CCDC3: variants seen among roughly 807,000 people sequenced by gnomAD.
CCDC3 encodes the protein coiled-coil domain containing 3.
A neutral mutation model predicts 21.4 loss-of-function variants in CCDC3; 24 were observed. The observed-to-expected ratio is 1.12, with a 90% CI of 0.81 to 1.58. CCDC3 has a LOEUF of 1.58. Ranked by LOEUF, CCDC3 falls within the 40% of genes most tolerant of loss-of-function variation. The pLI, the probability that CCDC3 is intolerant of heterozygous loss-of-function variation, is 0.00. For synonymous variants in CCDC3, 186 were observed against 166.0 expected (o/e 1.12, Z -0.93); for missense variants, 425 against 360.9 (o/e 1.18, Z -1.44).
At chr10:12,952,999 AG>A (rs557947285) in intron 2 of CCDC3, among the ~76,000 whole-genome samples, 131 of 152,262 alleles carry the variant, frequency 8.6e-4, no homozygotes, top group Non-Finnish European at 1.6e-3. Context: ...GAAGGGAGGG[AG>A]GGGTAATCCA....
chr10:12,927,588 A>G (rs1172263612), intron 2 of CCDC3, among the ~76,000 whole-genome samples: 1 of 152,154 alleles, frequency 6.6e-6, no homozygotes, highest in Non-Finnish European at 1.5e-5. Context: ...AAATGGCAAA[A>G]AAAAACCTTT....
At chr10:12,950,365 G>C (rs11595494) in intron 2 of CCDC3, among the ~76,000 whole-genome samples, 15,278 of 152,222 alleles carry the variant, frequency 0.1, 1,197 homozygotes, top group African/African-American at 0.22. Flanking sequence ...TTAAGAGAAA[G>C]AGATTCAACC....
chr10:13,077,990 A>G (rs941168070), intron 3 of CCDC3, among the ~76,000 whole-genome samples: 7 of 152,258 alleles, frequency 4.6e-5, no homozygotes, highest in African/African-American at 7.2e-5. Context: ...AATGGCAACA[A>G]AAGCTGAAAT....
intron 5 of CCDC3, among the ~76,000 whole-genome samples, chr10:13,010,019 G>T (rs185871167): frequency 6.6e-6 from 1 of 152,138 alleles, no homozygotes; most frequent in African/African-American, 2.4e-5. Context: ...AGGCTGAGGC[G>T]GTTGGATCAC....
intron 4 of CCDC3, among the ~76,000 whole-genome samples, chr10:13,072,511 T>A (rs1003136319): frequency 2.0e-5 from 3 of 152,176 alleles, no homozygotes; most frequent in African/African-American, 7.2e-5. Flanking sequence ...TGAGGGAACA[T>A]GCCCAGGGCT....
chr10:12,946,300 C>T (rs1439513754), intron 2 of CCDC3, among the ~76,000 whole-genome samples: 1 of 152,202 alleles, frequency 6.6e-6, no homozygotes, highest in Non-Finnish European at 1.5e-5. Flanking sequence ...CAGTGTCAAT[C>T]TTGAGAGGCT....
intron 2 of CCDC3, among the ~76,000 whole-genome samples, chr10:12,995,315 C>T (rs1835744939): frequency 6.6e-6 from 1 of 152,188 alleles, no homozygotes; most frequent in Admixed American, 6.5e-5. Flanking sequence ...GATCTCTGCT[C>T]ATTGCAACCT....
chr10:13,091,027 G>A (rs925986243), intron 3 of CCDC3, among the ~76,000 whole-genome samples: 9 of 152,306 alleles, frequency 5.9e-5, no homozygotes, highest in Middle Eastern at 3.4e-3. Context: ...GGAGTCTGAT[G>A]TTCAAGGGCA....
At chr10:13,065,462 T>C (rs1449447802) in intron 4 of CCDC3, among the ~76,000 whole-genome samples, 1 of 152,238 alleles carries the variant, frequency 6.6e-6, no homozygotes, top group Non-Finnish European at 1.5e-5. Flanking sequence ...TCACTTCTTA[T>C]TCTTTATTTC....
chr10:12,998,230 T>C lies in CCDC3; in HGVS notation c.549+108A>G, dbSNP rs1835791656. The C allele has an allele frequency of 2.4e-6, 3 of 1,252,914 alleles. No individual in the cohort carries two copies. The Admixed American group carries it at 6.7e-5, about 28-fold the overall frequency. 77.6% of individuals were successfully genotyped at this position (1,252,914 alleles called of 1,614,324 possible). On this transcript the variant is annotated intron_variant, in intron 2 of 2. Transcript: ENST00000378825. ...AGAGAGGGCATACGCTAATACTCTC[T>C]GATCTGGGCTTTTGGAAGAGTATTC...
chr10:13,080,108 G>T (rs1337065962), intron 3 of CCDC3, among the ~76,000 whole-genome samples: 2 of 152,202 alleles, frequency 1.3e-5, no homozygotes, highest in Non-Finnish European at 2.9e-5. Flanking sequence ...CTGGGCCGAT[G>T]GCAGCCCTGG....
intron 2 of CCDC3, among the ~76,000 whole-genome samples, chr10:12,996,379 A>T (rs628958): frequency 1.3e-5 from 2 of 152,086 alleles, no homozygotes; most frequent in East Asian, 1.9e-4. Flanking sequence ...TCTGTCGCCC[A>T]GGCTGGAGTG....
At chr10:12,994,279 T>C (rs546083184) in intron 2 of CCDC3, among the ~76,000 whole-genome samples, 32 of 152,018 alleles carry the variant, frequency 2.1e-4, no homozygotes, top group Non-Finnish European at 4.4e-4. Flanking sequence ...GTGCCTGTAA[T>C]CCCAGCTACT....
At chr10:13,021,891 C>A (rs1209420565) in intron 5 of CCDC3, among the ~76,000 whole-genome samples, 1 of 152,126 alleles carries the variant, frequency 6.6e-6, no homozygotes, top group African/African-American at 2.4e-5. Context: ...TCCCAAGTAG[C>A]TGGGATTACA....
intron 2 of CCDC3, among the ~76,000 whole-genome samples, chr10:13,098,896 T>C (rs557236716): frequency 6.6e-6 from 1 of 151,970 alleles, no homozygotes; most frequent in East Asian, 1.9e-4. Context: ...TTTGTATTTT[T>C]AGTAGAGACA....
intron 2 of CCDC3, among the ~76,000 whole-genome samples, chr10:12,965,424 T>C: frequency 6.6e-6 from 1 of 152,174 alleles, no homozygotes; most frequent in East Asian, 1.9e-4. Flanking sequence ...AAATTATATG[T>C]ACTTATACTG....
chr10:12,949,837 CAG>C (rs1407207601), intron 2 of CCDC3, among the ~76,000 whole-genome samples: 14 of 152,164 alleles, frequency 9.2e-5, no homozygotes, highest in African/African-American at 3.4e-4. Context: ...GTAATGGGTG[CAG>C]AGACTGTCAA....
At chr10:13,000,198 G>A (rs1409927300) in intron 1 of CCDC3, among the ~76,000 whole-genome samples, 2 of 152,166 alleles carry the variant, frequency 1.3e-5, no homozygotes, top group East Asian at 1.9e-4. Flanking sequence ...CCCAACAGTG[G>A]ATTAATTTAC....
intron 2 of CCDC3, among the ~76,000 whole-genome samples, chr10:12,941,406 T>C (rs959384017): frequency 6.6e-6 from 1 of 152,238 alleles, no homozygotes; most frequent in Admixed American, 6.5e-5. Flanking sequence ...TCTTTCATTT[T>C]ACTCCATGGC....
Sources: allele counts gnomAD v4.1 joint callset (sites outside exome capture counted in the v4.1 genomes callset), GRCh38; gene constraint gnomAD v4.1.1; transcripts MANE v1.5; gene names NCBI Gene and HGNC (gene_info 2026-07-23, HGNC 2026-07-21).